The following ADAMTSL3 variants were observed in gnomAD, a reference collection of about 807,000 sequenced individuals.
The protein encoded by ADAMTSL3 is ADAMTS like 3, also known as ADAMTS-like protein 3.
ADAMTSL3 carries 128 observed loss-of-function variants against 201.7 expected under a neutral mutation model. The observed-to-expected ratio is 0.63, with a 90% CI of 0.55 to 0.73. The LOEUF (loss-of-function observed/expected upper bound fraction) is 0.73, where lower values mean the gene tolerates loss of function less well. ADAMTSL3 is among the 30% of genes least tolerant of loss of function. The probability of loss-of-function intolerance (pLI) is 0.00; values close to 1 mark genes in which losing one functional copy is unlikely to be tolerated. For missense variants in ADAMTSL3, 1,990 were observed against 2,119.6 expected (o/e 0.94, Z 1.20); for synonymous variants, 738 against 748.4 (o/e 0.99, Z 0.23).
chr15:83,922,897 A>C (rs1166804808), intron 16 of ADAMTSL3, among the ~76,000 whole-genome samples: 1 of 152,244 alleles, frequency 6.6e-6, no homozygotes, highest in African/African-American at 2.4e-5. Context: ...GCATATTTCA[A>C]ATAACATAGT....
chr15:83,830,347 C>A (rs2064129314), intron 6 of ADAMTSL3, among the ~76,000 whole-genome samples: 1 of 152,102 alleles, frequency 6.6e-6, no homozygotes, highest in East Asian at 1.9e-4. Flanking sequence ...AGTCCTGGTG[C>A]CCATAATTGA....
At chr15:83,897,566 T>C (rs2065642346) in intron 13 of ADAMTSL3, among the ~76,000 whole-genome samples, 1 of 152,232 alleles carries the variant, frequency 6.6e-6, no homozygotes, top group Non-Finnish European at 1.5e-5. Flanking sequence ...GTAACAAGTT[T>C]CTTTGATATT....
At chr15:83,683,455 T>C (rs2061499498) in intron 2 of ADAMTSL3, among the ~76,000 whole-genome samples, 1 of 152,222 alleles carries the variant, frequency 6.6e-6, no homozygotes, top group Non-Finnish European at 1.5e-5. Context: ...CATCATGTAA[T>C]TATTTCTACA....
intron 3 of ADAMTSL3, among the ~76,000 whole-genome samples, chr15:83,739,582 C>A (rs1006030974): frequency 5.9e-5 from 9 of 151,544 alleles, no homozygotes. Context: ...GTATATGAAA[C>A]TATTTCAAAA....
chr15:84,033,374 T>C (rs2068443418), intron 28 of ADAMTSL3, among the ~76,000 whole-genome samples: 1 of 152,162 alleles, frequency 6.6e-6, no homozygotes, highest in African/African-American at 2.4e-5. Context: ...AAATACCACA[T>C]GCTTGGCTGG....
intron 3 of ADAMTSL3, among the ~76,000 whole-genome samples, chr15:83,768,771 T>C (rs1237676164): frequency 6.6e-6 from 1 of 152,224 alleles, no homozygotes; most frequent in East Asian, 1.9e-4. Flanking sequence ...GAGTTATTTC[T>C]GAATGTCTGT....
intron 2 of ADAMTSL3, among the ~76,000 whole-genome samples, chr15:83,703,851 A>G (rs555282974): frequency 9.8e-5 from 15 of 152,302 alleles, no homozygotes; most frequent in Non-Finnish European, 1.8e-4. Context: ...CAAAGGAAAT[A>G]CACCAAAACA....
At chr15:83,953,500 G>A (rs1845037583) in intron 19 of ADAMTSL3, among the ~76,000 whole-genome samples, 1 of 152,076 alleles carries the variant, frequency 6.6e-6, no homozygotes, top group Non-Finnish European at 1.5e-5. Flanking sequence ...ATCCTGGCTT[G>A]AAAGTTGTTG....
At chr15:83,758,890 G>A (rs2062763839) in intron 3 of ADAMTSL3, among the ~76,000 whole-genome samples, 1 of 152,016 alleles carries the variant, frequency 6.6e-6, no homozygotes, top group African/African-American at 2.4e-5. Flanking sequence ...GTCCTCTTAT[G>A]CACAAAGGTT....
At chr15:83,987,130 T>C (rs1048412126) in intron 21 of ADAMTSL3, among the ~76,000 whole-genome samples, 10 of 152,280 alleles carry the variant, frequency 6.6e-5, no homozygotes, top group African/African-American at 2.4e-4. Flanking sequence ...TTATTTTTCA[T>C]GTGTAGTCAC....
intron 6 of ADAMTSL3, among the ~76,000 whole-genome samples, chr15:83,832,527 A>T (rs2064176363): frequency 6.6e-6 from 1 of 152,182 alleles, no homozygotes; most frequent in Non-Finnish European, 1.5e-5. Flanking sequence ...CTCGGAAGTG[A>T]CTTAGACACT....
intron 3 of ADAMTSL3, among the ~76,000 whole-genome samples, chr15:83,748,666 A>AC (rs1378447201): frequency 2.0e-5 from 3 of 151,434 alleles, no homozygotes; most frequent in African/African-American, 7.3e-5. Context: ...AAAAAAAAAA[A>AC]AAAAAATACC....
At position 83,727,874 on chromosome 15, in the gene ADAMTSL3, A is replaced by G. The variant is rs536627811; in HGVS notation, c.189+23366A>G. 5.9e-4 allele frequency among the ~76,000 whole-genome samples: 90 copies of G among 152,182 alleles called. No individual in the cohort carries two copies. The South Asian group carries it at 0.017, about 28-fold the overall frequency. ...ATGAAATGTTCTGTAAATATCTATT[A>G]GGTTCATTTGGTCTATAGTGCAGAT... is the stretch of plus-strand genomic sequence containing the variant. On this transcript the variant is annotated intron_variant, in intron 3 of 29. Coordinates refer to ENST00000286744, the MANE Select transcript of ADAMTSL3 (RefSeq NM_207517.3).
At chr15:83,939,100 T>G (rs2142026446) in intron 17 of ADAMTSL3, among the ~76,000 whole-genome samples, 1 of 152,328 alleles carries the variant, frequency 6.6e-6, no homozygotes, top group South Asian at 2.1e-4. Flanking sequence ...TTTCCAAGGT[T>G]GAACCAATTT....
chr15:84,003,071 C>T (rs2067828413), intron 23 of ADAMTSL3, among the ~76,000 whole-genome samples: 1 of 151,190 alleles, frequency 6.6e-6, no homozygotes, highest in Non-Finnish European at 1.5e-5. Context: ...GATCCTCCTG[C>T]CTTAGCCCCT....
intron 23 of ADAMTSL3, among the ~76,000 whole-genome samples, chr15:84,004,660 G>A (rs907818209): frequency 2.0e-5 from 3 of 152,188 alleles, no homozygotes; most frequent in Non-Finnish European, 4.4e-5. Flanking sequence ...CCAGCTCCAT[G>A]CTCTGGGCTC....
chr15:83,792,081 T>G (rs977669812), intron 4 of ADAMTSL3, among the ~76,000 whole-genome samples: 6 of 152,014 alleles, frequency 3.9e-5, no homozygotes, highest in African/African-American at 1.2e-4. Context: ...AGAGAAGAGA[T>G]AACCTACAGA....
At chr15:83,721,704 C>A (rs555177881) in intron 3 of ADAMTSL3, among the ~76,000 whole-genome samples, 2 of 152,186 alleles carry the variant, frequency 1.3e-5, no homozygotes, top group East Asian at 3.9e-4. Context: ...ACCTAGGAAA[C>A]ACAAGACACT....
chr15:83,672,226 T>G (rs2061338105), intron 2 of ADAMTSL3, among the ~76,000 whole-genome samples: 2 of 152,184 alleles, frequency 1.3e-5, no homozygotes, highest in African/African-American at 4.8e-5. Context: ...TGTTATAAAA[T>G]GGATACTCTG....
Sources: gnomAD v4.1 joint callset for allele counts (sites outside exome capture counted in the v4.1 genomes callset) on GRCh38, gnomAD v4.1.1 for gene constraint, MANE v1.5 for transcripts, NCBI Gene and HGNC (gene_info 2026-07-23, HGNC 2026-07-21) for gene names.